Variants in ZNF638 observed in about 807,000 individuals in gnomAD.
ZNF638 encodes CTCL tumor antigen se33-1.
Under a neutral mutation model 195.6 loss-of-function variants are expected in ZNF638, and 46 were observed. The ratio of observed to expected loss-of-function variants is 0.24; its 90% CI spans 0.19 to 0.30. ZNF638 has a LOEUF of 0.30. Ranked by LOEUF, ZNF638 falls within the 10% of genes least tolerant of loss-of-function variation. ZNF638 has a pLI of 1.00. For missense variants in ZNF638, 2,440 were observed against 2,325.3 expected, an observed-to-expected ratio of 1.05 and a Z score of -1.01; for synonymous variants, 845 against 772.0, an observed-to-expected ratio of 1.09 and a Z score of -1.57.
chr2:71,404,677 A>G (rs534075099), intron 17 of ZNF638, among the ~76,000 whole-genome samples: 33 of 152,284 alleles, frequency 2.2e-4, no homozygotes, highest in East Asian at 5.8e-4. Flanking sequence ...TGATTTTACC[A>G]CTGAACTTCA....
At position 71,388,785 on chromosome 2, in the gene ZNF638, A is replaced by G. The variant is rs1171284870; in HGVS notation, c.2378-7356A>G. 3 of 863,486 alleles carry G rather than the reference A, an allele frequency of 3.5e-6. No individual in the cohort carries two copies. The East Asian group carries it at 7.8e-5, about 22-fold the overall frequency. 53.5% of individuals were successfully genotyped at this position (863,486 alleles called of 1,614,324 possible). Reference sequence around the variant, plus strand: ...AGGGGAATTCTCAGACTAGAGTTTCATCATGAGACAACAGCTGTCCGCACA... The same window carrying G: ...AGGGGAATTCTCAGACTAGAGTTTCGTCATGAGACAACAGCTGTCCGCACA... On this transcript the variant is annotated intron_variant, in intron 10 of 27. Coordinates refer to ENST00000264447, the MANE Select transcript of ZNF638 (RefSeq NM_014497.5).
chr2:71,423,783 A>C lies in ZNF638; in HGVS notation c.4269A>C (p.Arg1423Ser), dbSNP rs767116241. ...NQKSFPKSVP[R>S]DQINAEKKLS... is the part of the protein sequence containing the mutation. ...AAAGTTTTCCAAAATCTGTGCCCAG[A>C]GATCAAATAAATGCTGAAAAGAAAC... is the stretch of plus-strand genomic sequence containing the variant. The change falls in exon 22 of 28, where the codon AGA becomes AGC. Residue 1423 changes from arginine to serine, a missense_variant. Transcript: ENST00000264447. 6.2e-7 allele frequency: 1 copy of C among 1,614,070 alleles called. No individual in the cohort carries two copies. The highest frequency in any genetic ancestry group is 1.6e-4 in the Middle Eastern group (1 of 6,062).
rs575074935 is a variant in ZNF638 at position 71,334,067 on chromosome 2, CCTTT to C, written c.-203+2196_-203+2199del. ...TGTGCTTCTATAAACTTTTTACATG[CCTTT>C]CTTGTAGAACTTATCAATATATATT... On this transcript the variant is annotated intron_variant, in intron 1 of 27. Coordinates refer to ENST00000264447, the MANE Select transcript of ZNF638 (RefSeq NM_014497.5). Among the ~76,000 whole-genome samples, 227 of 152,246 alleles carry C rather than the reference CCTTT, an allele frequency of 1.5e-3. 1 individual carries two copies. Among genetic ancestry groups the C allele is most frequent in the African/African-American group, 5.2e-3 (216 of 41,544 alleles).
rs751043105 is a variant in ZNF638 at position 71,350,038 on chromosome 2, G to A, written c.1084G>A (p.Val362Ile). Reference protein sequence around the residue: ...PHEPVINSSNVHVGSRGSKKN... With the variant: ...PHEPVINSSNIHVGSRGSKKN... The stretch of plus-strand genomic sequence containing the variant: ...TGAACCTGTGATTAATTCATCTAAC[G>A]TACATGTTGGATCAAGAGGAAGTAA... Residue 362 changes from valine (V) to isoleucine (I), a missense_variant, in exon 2 of 28, where the codon GTA becomes ATA. Val to Ile is a conservative substitution (Grantham distance 29). Coordinates refer to ENST00000264447, the MANE Select transcript of ZNF638 (RefSeq NM_014497.5). 1.3e-5 allele frequency: 21 copies of A among 1,613,992 alleles called. No individual in the cohort carries two copies. The highest frequency in any genetic ancestry group is 4.5e-5 in the East Asian group (2 of 44,880).
Position 71,340,327 on chromosome 2 carries a change from G to A in ZNF638, c.-202-8426G>A, listed in dbSNP as rs377107726. 3.9e-5 allele frequency among the ~76,000 whole-genome samples: 6 copies of A among 152,208 alleles called. No homozygotes were observed. The South Asian group carries it at 8.3e-4, about 21-fold the overall frequency. Reference sequence around the variant, plus strand: ...GCACCCTCAGAATTGTTACTTGCATGCCTTTTGTGAGACAAGAGAGGACAA... The same window carrying A: ...GCACCCTCAGAATTGTTACTTGCATACCTTTTGTGAGACAAGAGAGGACAA... On this transcript the variant is annotated intron_variant, in intron 1 of 27. Coordinates refer to ENST00000264447, the MANE Select transcript of ZNF638 (RefSeq NM_014497.5).
At chr2:71,332,657 A>G (rs1293771884) in intron 1 of ZNF638, among the ~76,000 whole-genome samples, 1 of 152,216 alleles carries the variant, frequency 6.6e-6, no homozygotes, top group Non-Finnish European at 1.5e-5. Context: ...TCTTAAAGGA[A>G]GGGGGAATGT....
intron 25 of ZNF638, 63 bp from the exon 26 acceptor site, chr2:71,431,264 A>T: frequency 7.1e-7 from 1 of 1,403,388 alleles, no homozygotes; most frequent in Non-Finnish European, 1.0e-6. Context: ...GAATTATCCA[A>T]TGTTAACTTT....
chr2:71,406,213 T>G lies in ZNF638; in HGVS notation c.3086T>G (p.Leu1029Arg). 1 of 1,613,526 alleles carries G rather than the reference T, an allele frequency of 6.2e-7. No homozygotes were observed. The highest frequency in any genetic ancestry group is 8.5e-7 in the Non-Finnish European group (1 of 1,179,528). ...DGLQCVLCVG[L>R]QFGKVDHHVF... ...CTTCAGTGTGTACTTTGTGTTGGACTTCAGTTTGGAAAAGTGGATCACCAT... is the reference window on the plus strand; with the variant it reads ...CTTCAGTGTGTACTTTGTGTTGGACGTCAGTTTGGAAAAGTGGATCACCAT... Residue 1029 changes from leucine (L) to arginine (R), a missense_variant, in exon 19 of 28, where the codon CTT becomes CGT. Leu to Arg is a moderately radical substitution (Grantham distance 102, BLOSUM62 -2). Around this residue, in one of 5 missense-constraint regions of ZNF638, gnomAD observed 1,883 missense variants for 1,739.1 expected, o/e 1.08. Coordinates refer to ENST00000264447, the MANE Select transcript of ZNF638 (RefSeq NM_014497.5).
intron 9 of ZNF638, 81 bp from the exon 10 acceptor site, chr2:71,380,432 A>G (rs1573083160): frequency 7.7e-7 from 1 of 1,298,864 alleles, no homozygotes; most frequent in East Asian, 2.4e-5. Flanking sequence ...AAACGTTTTT[A>G]GGTTTAAATA....
At chr2:71,366,250 C>T (rs78435821) in intron 6 of ZNF638, among the ~76,000 whole-genome samples, 2,932 of 151,762 alleles carry the variant, frequency 0.019, 96 homozygotes, top group African/African-American at 0.067. Flanking sequence ...CTTGGGAGGC[C>T]TTGGGAGGCT....
rs764102348 is a variant in ZNF638, at chr2:71,428,568, T to G, written c.5567T>G (p.Val1856Gly). ...HLTAKTPTKR[V>G]RIGKTLPSEK... Reference sequence around the variant, plus strand: ...AAAGCTAAAACTCCAACCAAGAGAGTTAGAATTGGGAAAACTCTGCCATCA... The same window carrying G: ...AAAGCTAAAACTCCAACCAAGAGAGGTAGAATTGGGAAAACTCTGCCATCA... Residue 1856 changes from valine (V) to glycine (G), a missense_variant, in exon 25 of 28, where the codon GTT becomes GGT. Val to Gly is a moderately radical substitution (Grantham distance 109, BLOSUM62 -3). Coordinates refer to ENST00000264447, the MANE Select transcript of ZNF638 (RefSeq NM_014497.5). 2.5e-6 allele frequency: 4 copies of G among 1,613,456 alleles called. No individual in the cohort carries two copies. The South Asian group carries it at 4.4e-5, about 18-fold the overall frequency.
chr2:71,388,771 C>A, intron 10 of ZNF638: 1 of 949,880 alleles, frequency 1.1e-6, no homozygotes, highest in Non-Finnish European at 1.7e-6. Context: ...GGGGAATTCT[C>A]AGACTAGAGT....
chr2:71,373,057 G>A (rs1026008183), intron 8 of ZNF638, among the ~76,000 whole-genome samples: 2 of 152,140 alleles, frequency 1.3e-5, no homozygotes, highest in Admixed American at 1.3e-4. Flanking sequence ...TTTATAGGAT[G>A]CACAGTAATG....
rs142498403 is a variant in ZNF638 at position 71,428,065 on chromosome 2, G to A, written c.5546-482G>A. 1.4e-3 allele frequency among the ~76,000 whole-genome samples: 220 copies of A among 152,160 alleles called. 2 individuals are homozygous for A. The highest frequency in any genetic ancestry group is 5.0e-3 in the African/African-American group (207 of 41,500). ...AAATGAGCCAGGCACGGTGGCATGC[G>A]TCTGTGGTCCCAGCTGCTTTGGAGA... On this transcript the variant is annotated intron_variant, in intron 24 of 27. Coordinates refer to ENST00000264447, the MANE Select transcript of ZNF638 (RefSeq NM_014497.5).
At chr2:71,368,306 AATTAT>A in intron 6 of ZNF638, 71 bp from the exon 7 acceptor site, 1 of 1,407,744 alleles carries the variant, frequency 7.1e-7, no homozygotes, top group East Asian at 2.4e-5. Flanking sequence ...TGGTAGAAGA[AATTAT>A]ATAGGAAATT....
chr2:71,392,440 C>G (rs1446845278), intron 10 of ZNF638, among the ~76,000 whole-genome samples: 2 of 152,194 alleles, frequency 1.3e-5, no homozygotes, highest in Non-Finnish European at 2.9e-5. Flanking sequence ...TCCGTTCAGC[C>G]CATTAACATT....
rs1314518154 is a variant in ZNF638, at chr2:71,365,551, A to C, written c.1840A>C (p.Ser614Arg). 1.2e-6 allele frequency: 2 copies of C among 1,614,198 alleles called. No individual in the cohort carries two copies. The highest frequency in any genetic ancestry group is 1.3e-5 in the African/African-American group (1 of 75,060). The change falls in exon 6 of 28, where the codon AGT becomes CGT. Residue 614 changes from serine (S) to arginine (R), a missense_variant. Around this residue, in one of 5 missense-constraint regions of ZNF638, gnomAD observed 1,883 missense variants for 1,739.1 expected, o/e 1.08. Transcript: ENST00000264447. The part of the protein sequence containing the change: ...HSPAQKPKTS[S>R]GTKPSVKPTS... ...ACCAGCACAAAAGCCTAAAACTAGC[A>C]GTGGAACAAAACCATCAGTTAAACC...
intron 10 of ZNF638, among the ~76,000 whole-genome samples, chr2:71,381,588 A>G (rs1412065514): frequency 1.3e-5 from 2 of 152,152 alleles, no homozygotes; most frequent in Non-Finnish European, 2.9e-5. Flanking sequence ...TTGAAGGGTC[A>G]TGCTGAGAAG....
intron 2 of ZNF638, 26 bp from the exon 3 acceptor site, chr2:71,355,693 T>G (rs760146813): frequency 6.7e-7 from 1 of 1,485,422 alleles, no homozygotes; most frequent in South Asian, 1.2e-5. Flanking sequence ...TATTCTAATT[T>G]CAACACTTTT....
Sources: gnomAD v4.1 joint callset for allele counts (sites outside exome capture counted in the v4.1 genomes callset) on GRCh38, gnomAD v4.1.1 for gene constraint, gnomAD v4.1.1 regional missense constraint, MANE v1.5 for transcripts, NCBI Gene and HGNC (gene_info 2026-07-23, HGNC 2026-07-21) for gene names.